Variants in PABPC1L observed in about 807,000 individuals in gnomAD.
The protein encoded by PABPC1L is poly(A) binding protein cytoplasmic 1 like.
Under a neutral mutation model 66.6 loss-of-function variants are expected in PABPC1L, and 31 were observed. That is an observed-to-expected ratio of 0.47 (90% confidence interval 0.35 to 0.63). The LOEUF (loss-of-function observed/expected upper bound fraction) is 0.63, where lower values mean the gene tolerates loss of function less well. PABPC1L is among the 20% of genes least tolerant of loss of function. PABPC1L has a pLI of 0.00. For missense variants in PABPC1L, 722 were observed against 848.8 expected (o/e 0.85, Z 1.86); for synonymous variants, 348 against 335.1 (o/e 1.04, Z -0.42).
chr20:44,934,297 C>T (rs1353146829), intron 10 of PABPC1L, among the ~76,000 whole-genome samples: 1 of 152,182 alleles, frequency 6.6e-6, no homozygotes, highest in African/African-American at 2.4e-5. Flanking sequence ...CCCTGACACC[C>T]CTGCTTATTC....
At chr20:44,911,867 A>G (rs997238022) in intron 1 of PABPC1L, among the ~76,000 whole-genome samples, 12 of 152,214 alleles carry the variant, frequency 7.9e-5, no homozygotes, top group African/African-American at 1.2e-4. Context: ...AACTTGCTCC[A>G]CTGTGTTCCC....
At chr20:44,925,407 T>C (rs928989843) in intron 7 of PABPC1L, among the ~76,000 whole-genome samples, 47 of 152,090 alleles carry the variant, frequency 3.1e-4, no homozygotes, top group African/African-American at 1.1e-3. Context: ...GATTATAAGA[T>C]GGGGGACAGT....
At chr20:44,930,316 AGG>A (rs1208901679) in intron 7 of PABPC1L, 142 bp from the exon 8 acceptor site, 23 of 1,125,242 alleles carry the variant, frequency 2.0e-5, no homozygotes, top group South Asian at 3.1e-5. Context: ...CTTAGTAAAC[AGG>A]GGTGCACGCT....
At chr20:44,935,210 T>G (rs1316517066) in intron 10 of PABPC1L, among the ~76,000 whole-genome samples, 181 bp from the exon 11 acceptor site, 1 of 152,122 alleles carries the variant, frequency 6.6e-6, no homozygotes, top group African/African-American at 2.4e-5. Flanking sequence ...AGCCCTATAC[T>G]GTTTTTCTGT....
chr20:44,917,361 ATT>A (rs11483820), intron 3 of PABPC1L, among the ~76,000 whole-genome samples: 3 of 130,614 alleles, frequency 2.3e-5, no homozygotes, highest in Non-Finnish European at 3.2e-5. Flanking sequence ...TAATTTTTTG[ATT>A]TTTTTTTTTT....
chr20:44,916,970 C>T (rs2066742313), intron 3 of PABPC1L, 99 bp downstream of exon 3: 1 of 1,169,250 alleles, frequency 8.6e-7, no homozygotes, highest in Non-Finnish European at 1.3e-6. Context: ...CTAATGGGCA[C>T]CAGGCACTTG....
Position 44,939,223 on chromosome 20 carries a change from G to C in PABPC1L, c.*104G>C. 1.4e-6 allele frequency: 1 copy of C among 717,762 alleles called. No individual in the cohort carries two copies. Among genetic ancestry groups the C allele is most frequent in the South Asian group, 1.5e-5 (1 of 67,608 alleles). The allele number at this position is 717,762 out of a possible 1,614,324, so 44.5% of individuals were successfully genotyped here. A position where few individuals can be genotyped will look rare whatever the true frequency, so the allele number is the denominator to read the frequency against. The stretch of plus-strand genomic sequence containing the variant: ...CTCTAACTTATTTCCCAATTAGTCT[G>C]TATCTATACTTGGGCTCTGTATGTG... On this transcript the variant is annotated 3_prime_UTR_variant, in exon 15 of 15. Coordinates refer to ENST00000217073, the MANE Select transcript of PABPC1L (RefSeq NM_001372179.1).
rs1442306971 is a variant in PABPC1L at position 44,938,147 on chromosome 20, G to C, written c.1747G>C (p.Glu583Gln). ...CATGCTGCTGGAGATTGACAACTCA[G>C]AGCTGTTGCTCATGCTGGAGTCTCC... ...TGMLLEIDNS[E>Q]LLLMLESPES... Residue 583 changes from glutamate to glutamine, a missense_variant, in exon 13 of 15, where the codon GAG becomes CAG. Glu to Gln is a conservative substitution (Grantham distance 29). Coordinates refer to ENST00000217073, the MANE Select transcript of PABPC1L (RefSeq NM_001372179.1). The C allele has an allele frequency of 2.5e-6, 4 of 1,614,200 alleles. No individual in the cohort carries two copies. The South Asian group carries it at 4.4e-5, about 18-fold the overall frequency.
chr20:44,913,934 G>A (rs148595612), intron 2 of PABPC1L, among the ~76,000 whole-genome samples: 226 of 152,322 alleles, frequency 1.5e-3, no homozygotes, highest in African/African-American at 5.3e-3. Context: ...AGAATAAGAT[G>A]TGAAACATAT....
In PABPC1L at chr20:44,933,118, C is replaced by T. The variant is rs1379721727; in HGVS notation, c.1392C>T (p.Ala464=). The T allele has an allele frequency of 1.9e-6, 3 of 1,609,076 alleles. No homozygotes were observed. Among genetic ancestry groups the T allele is most frequent in the Non-Finnish European group, 8.5e-7 (1 of 1,178,440 alleles). The part of the protein sequence containing the change: ...RPPVVPRRPP[A]HISSVRQAST... Reference sequence around the variant, plus strand: ...CAGTTGTGCCTCGGCGCCCCCCGGCCCACATCAGCAGTGTCAGGCAGGCCT... The same window carrying T: ...CAGTTGTGCCTCGGCGCCCCCCGGCTCACATCAGCAGTGTCAGGCAGGCCT... The change falls in exon 10 of 15, where the codon GCC becomes GCT. Residue 464 remains alanine, a synonymous_variant. Transcript: ENST00000217073.
chr20:44,922,183 G>A (rs563418743), intron 6 of PABPC1L, among the ~76,000 whole-genome samples: 1 of 152,328 alleles, frequency 6.6e-6, no homozygotes, highest in East Asian at 1.9e-4. Flanking sequence ...TAATTAAAGT[G>A]AATATTGTGG....
At chr20:44,918,522 C>A (rs1244895442) in intron 3 of PABPC1L, among the ~76,000 whole-genome samples, 3 of 152,140 alleles carry the variant, frequency 2.0e-5, no homozygotes, top group Non-Finnish European at 4.4e-5. Context: ...AACTCTGAGG[C>A]TCAGAGAGGT....
intron 10 of PABPC1L, among the ~76,000 whole-genome samples, chr20:44,933,414 G>T (rs962865621): frequency 6.6e-6 from 1 of 151,936 alleles, no homozygotes; most frequent in Admixed American, 6.6e-5. Context: ...GACAAAAATA[G>T]TACCCCCATT....
chr20:44,934,081 G>T (rs1051546750), intron 10 of PABPC1L, among the ~76,000 whole-genome samples: 4 of 152,166 alleles, frequency 2.6e-5, no homozygotes, highest in African/African-American at 9.6e-5. Context: ...GATCATGCAT[G>T]AAAGGGCTTA....
At chr20:44,932,210 G>C (rs539041240) in intron 8 of PABPC1L, 132 bp from the exon 9 acceptor site, 6 of 553,612 alleles carry the variant, frequency 1.1e-5, no homozygotes, top group Non-Finnish European at 1.9e-5. Flanking sequence ...TTTCATTACA[G>C]CCTTGTGGGT....
At chr20:44,936,051 C>A (rs2066898439) in intron 11 of PABPC1L, among the ~76,000 whole-genome samples, 1 of 151,956 alleles carries the variant, frequency 6.6e-6, no homozygotes, top group Non-Finnish European at 1.5e-5. Context: ...TAGCTCACTG[C>A]AGCCTTGAAC....
intron 1 of PABPC1L, among the ~76,000 whole-genome samples, chr20:44,911,208 AAT>A (rs2145550747): frequency 6.6e-6 from 1 of 152,194 alleles, no homozygotes; most frequent in African/African-American, 2.4e-5. Flanking sequence ...TCACGCCTGT[AAT>A]CCCAGCATCT....
intron 4 of PABPC1L, 22 bp from the exon 5 acceptor site, chr20:44,919,161 G>C: frequency 6.2e-7 from 1 of 1,614,190 alleles, no homozygotes; most frequent in East Asian, 2.2e-5. Context: ...ACTCCCCTTT[G>C]AGCCAGGTTG....
intron 7 of PABPC1L, among the ~76,000 whole-genome samples, 188 bp from the exon 8 acceptor site, chr20:44,930,272 A>G (rs931999908): frequency 6.6e-6 from 1 of 151,600 alleles, no homozygotes; most frequent in Non-Finnish European, 1.5e-5. Context: ...ACAGCTTGCT[A>G]AACGGGGGTG....
Sources: gnomAD v4.1 joint callset for allele counts (sites outside exome capture counted in the v4.1 genomes callset) on GRCh38, gnomAD v4.1.1 for gene constraint, MANE v1.5 for transcripts, NCBI Gene and HGNC (gene_info 2026-07-23, HGNC 2026-07-21) for gene names.